The following MORC4 variants were observed in gnomAD, a reference collection of about 807,000 sequenced individuals.
The protein encoded by MORC4 is MORC family CW-type zinc finger protein 4.
MORC4 carries 22 observed loss-of-function variants against 65.5 expected under a neutral mutation model. The ratio of observed to expected loss-of-function variants is 0.34; its 90% confidence interval spans 0.24 to 0.48. The LOEUF (loss-of-function observed/expected upper bound fraction) is 0.48, where lower values mean the gene tolerates loss of function less well. Among genes scored for constraint, MORC4 ranks in the 20% least tolerant of loss-of-function variants. MORC4 has a pLI of 0.99. For missense variants in MORC4, 624 were observed against 703.0 expected, an observed-to-expected ratio of 0.89 and a Z score of 1.27; for synonymous variants, 267 against 255.8, an observed-to-expected ratio of 1.04 and a Z score of -0.42.
intron 9 of MORC4, among the ~76,000 whole-genome samples, chrX:106,967,836 T>C (rs1934411166): frequency 9.0e-6 from 1 of 111,487 alleles, no homozygotes; most frequent in Non-Finnish European, 1.9e-5. Flanking sequence ...CAAATCCACG[T>C]TTGACTGGTG....
chrX:106,958,613 T>C (rs1401098966), intron 10 of MORC4, 149 bp from the exon 11 acceptor site: 2 of 416,890 alleles, frequency 4.8e-6, no homozygotes, highest in Non-Finnish European at 3.9e-6. Flanking sequence ...CAAATGTATA[T>C]ATTTTTAACT....
chrX:106,974,990 A>C (rs1014828148), intron 9 of MORC4, among the ~76,000 whole-genome samples: 2 of 111,432 alleles, frequency 1.8e-5, no homozygotes, highest in Admixed American at 9.6e-5. Flanking sequence ...TATGCTAAGT[A>C]AGTCAGAAAT....
chrX:106,942,749 G>GTTA lies in MORC4; in HGVS notation c.2139_2141dup (p.Asn714dup). The GTTA allele has an allele frequency of 8.3e-7, 1 of 1,211,475 alleles. No homozygotes were observed. Among genetic ancestry groups the GTTA allele is most frequent in the Non-Finnish European group, 1.1e-6 (1 of 895,315 alleles). On this transcript the variant is annotated inframe_insertion, in exon 15 of 17. Transcript: ENST00000355610. ...TTCGTCTCTCAGCAAGCTCCTCTCTGTTAAAAGGGATCAGCTGAATGGGAG... is the reference window on the plus strand; with the variant it reads ...TTCGTCTCTCAGCAAGCTCCTCTCTGTTATTAAAAGGGATCAGCTGAATGGGAG...
In MORC4 at chrX:106,981,105, T is replaced by C. The variant is rs1267650600; in HGVS notation, c.808-86A>G. 4.6e-6 allele frequency: 5 copies of C among 1,091,298 alleles called. No homozygotes were observed. The African/African-American group carries it at 5.5e-5, about 12-fold the overall frequency. The allele number at this position is 1,091,298 out of a possible 1,213,427, so 89.9% of individuals were successfully genotyped here. On this transcript the variant is annotated intron_variant, in intron 6 of 16. Transcript: ENST00000355610. ...CCCATAAAACACTGCTACCAACTGA[T>C]ATCTATGCTGGGCAAAGATTTGGCT...
intron 9 of MORC4, among the ~76,000 whole-genome samples, 165 bp from the exon 10 acceptor site, chrX:106,962,275 G>C (rs965181071): frequency 1.8e-5 from 2 of 112,546 alleles, no homozygotes; most frequent in African/African-American, 3.2e-5. Flanking sequence ...GCCTTTGCAA[G>C]CTACATGTCA....
intron 11 of MORC4, 39 bp downstream of exon 11, chrX:106,958,297 G>A: frequency 8.7e-7 from 1 of 1,147,373 alleles, no homozygotes; most frequent in Non-Finnish European, 1.2e-6. Flanking sequence ...GATAAATCAG[G>A]AGTTACCTTG....
At chrX:106,947,173 C>A (rs1602473763) in intron 14 of MORC4, among the ~76,000 whole-genome samples, 1 of 110,159 alleles carries the variant, frequency 9.1e-6, no homozygotes, top group African/African-American at 3.3e-5. Flanking sequence ...TTGTTGATTT[C>A]TAATTTAATT....
chrX:106,982,179 A>T (rs1934760128), intron 5 of MORC4, among the ~76,000 whole-genome samples: 1 of 112,216 alleles, frequency 8.9e-6, no homozygotes, highest in African/African-American at 3.2e-5. Context: ...CTCAAATGAC[A>T]GGTTTTAGTA....
chrX:106,959,470 G>A (rs770619445), intron 10 of MORC4, among the ~76,000 whole-genome samples: 10 of 111,219 alleles, frequency 9.0e-5, no homozygotes, highest in Non-Finnish European at 1.7e-4. Flanking sequence ...GAGTGGTGCG[G>A]TTCTTTTATG....
intron 14 of MORC4, among the ~76,000 whole-genome samples, chrX:106,948,576 T>G (rs1933904103): frequency 8.9e-6 from 1 of 111,999 alleles, no homozygotes; most frequent in African/African-American, 3.2e-5. Flanking sequence ...TATTGCTTGC[T>G]TTCATCCTAA....
chrX:106,947,570 AT>A (rs1187263267), intron 14 of MORC4, among the ~76,000 whole-genome samples: 50 of 59,340 alleles, frequency 8.4e-4, no homozygotes, highest in Admixed American at 2.7e-3. Flanking sequence ...ATATATATAT[AT>A]TATATATATA....
intron 7 of MORC4, among the ~76,000 whole-genome samples, chrX:106,979,955 A>G (rs1394242639): frequency 9.0e-6 from 1 of 110,783 alleles, no homozygotes; most frequent in Non-Finnish European, 1.9e-5. Context: ...CCTAGTAGCC[A>G]AGATATGTGT....
At chrX:106,951,516 G>A (rs920537742) in intron 14 of MORC4, among the ~76,000 whole-genome samples, 22 of 110,101 alleles carry the variant, frequency 2.0e-4, no homozygotes, top group Non-Finnish European at 3.0e-4. Flanking sequence ...GACCACAGGC[G>A]CACGTCACCA....
intron 14 of MORC4, among the ~76,000 whole-genome samples, chrX:106,953,030 T>A (rs1478271897): frequency 8.9e-6 from 1 of 111,966 alleles, no homozygotes; most frequent in East Asian, 2.8e-4. Flanking sequence ...CTCTTATGTT[T>A]CTCTTTCTCT....
At chrX:106,957,767 G>A (rs772810693) in intron 11 of MORC4, among the ~76,000 whole-genome samples, 1 of 111,963 alleles carries the variant, frequency 8.9e-6, no homozygotes, top group African/African-American at 3.2e-5. Context: ...AGGTACTACT[G>A]TATAACACTG....
chrX:106,967,670 A>G (rs1351260431), intron 9 of MORC4, among the ~76,000 whole-genome samples: 2 of 112,411 alleles, frequency 1.8e-5, no homozygotes, highest in African/African-American at 3.2e-5. Flanking sequence ...CGTGAAGCAT[A>G]CACAAGCTTC....
intron 3 of MORC4, among the ~76,000 whole-genome samples, chrX:106,990,866 C>T (rs1444716127): frequency 3.6e-5 from 4 of 110,440 alleles, no homozygotes; most frequent in Non-Finnish European, 7.6e-5. Flanking sequence ...GAGTGAAACT[C>T]CATCTCAAAA....
chrX:106,955,237 A>G (rs774989834), intron 13 of MORC4, 149 bp from the exon 14 acceptor site: 23 of 436,107 alleles, frequency 5.3e-5, no homozygotes, highest in Non-Finnish European at 8.3e-5. Flanking sequence ...AGTAATGTAC[A>G]CTAGAACACT....
chrX:106,947,585 A>G (rs1426111415), intron 14 of MORC4, among the ~76,000 whole-genome samples: 2 of 91,254 alleles, frequency 2.2e-5, no homozygotes, highest in Non-Finnish European at 4.2e-5. Context: ...ATATATATAT[A>G]TATATAATAT....
Sources: gnomAD v4.1 joint callset for allele counts (sites outside exome capture counted in the v4.1 genomes callset) on GRCh38, gnomAD v4.1.1 for gene constraint, MANE v1.5 for transcripts, NCBI Gene and HGNC (gene_info 2026-07-23, HGNC 2026-07-21) for gene names.